GSG1L: variants seen among roughly 807,000 people sequenced by gnomAD.
GSG1L encodes the protein germ cell-specific gene 1-like protein.
A neutral mutation model predicts 42.1 loss-of-function variants in GSG1L; 24 were observed. The observed-to-expected ratio is 0.57, with a 90% CI of 0.41 to 0.80. The LOEUF (loss-of-function observed/expected upper bound fraction) is 0.80, where lower values mean the gene tolerates loss of function less well. GSG1L is among the 30% of genes least tolerant of loss of function. The pLI, the probability that GSG1L is intolerant of heterozygous loss-of-function variation, is 0.00. For missense variants in GSG1L, 445 were observed against 472.2 expected (o/e 0.94, Z 0.53); for synonymous variants, 215 against 203.5 (o/e 1.06, Z -0.48).
chr16:27,821,214 G>A (rs2083147732), intron 5 of GSG1L, among the ~76,000 whole-genome samples: 1 of 152,186 alleles, frequency 6.6e-6, no homozygotes, highest in African/African-American at 2.4e-5. Context: ...TTGTTGCCAT[G>A]CTGGAACATG....
At chr16:27,970,310 G>T (rs1054215914) in intron 1 of GSG1L, among the ~76,000 whole-genome samples, 12 of 151,456 alleles carry the variant, frequency 7.9e-5, no homozygotes, top group African/African-American at 2.9e-4. Context: ...GGTGGCTCAC[G>T]CCTGTAATCC....
chr16:27,827,202 T>C (rs2083219632), intron 5 of GSG1L, among the ~76,000 whole-genome samples: 1 of 152,206 alleles, frequency 6.6e-6, no homozygotes, highest in South Asian at 2.1e-4. Context: ...ATGGCAGTTA[T>C]GATGGTTGAC....
chr16:27,921,809 G>A (rs1360541813), intron 2 of GSG1L, among the ~76,000 whole-genome samples: 1 of 152,146 alleles, frequency 6.6e-6, no homozygotes, highest in Non-Finnish European at 1.5e-5. Context: ...TCAAGTTGAG[G>A]ACCCTGCCTT....
At chr16:27,791,977 C>CA (rs2082760438) in intron 6 of GSG1L, among the ~76,000 whole-genome samples, 1 of 152,062 alleles carries the variant, frequency 6.6e-6, no homozygotes, top group African/African-American at 2.4e-5. Flanking sequence ...CCCCTGCAGT[C>CA]ACGTTCACTC....
At chr16:27,936,028 G>A (rs1015708542) in intron 2 of GSG1L, among the ~76,000 whole-genome samples, 2 of 151,092 alleles carry the variant, frequency 1.3e-5, no homozygotes, top group Non-Finnish European at 2.9e-5. Flanking sequence ...CTTCATCCCA[G>A]GACCCAGGGA....
At chr16:28,051,561 C>T (rs980413813) in intron 1 of GSG1L, among the ~76,000 whole-genome samples, 18 of 149,330 alleles carry the variant, frequency 1.2e-4, no homozygotes, top group African/African-American at 3.9e-4. Flanking sequence ...GAGGTGACTG[C>T]GACTTTAAAT....
chr16:27,927,552 C>A (rs901229572), intron 2 of GSG1L, among the ~76,000 whole-genome samples: 9 of 152,248 alleles, frequency 5.9e-5, no homozygotes, highest in Non-Finnish European at 1.3e-4. Flanking sequence ...CAAGCCCTCC[C>A]TCGGACCCCT....
At chr16:27,835,603 T>C (rs1321904916) in intron 4 of GSG1L, among the ~76,000 whole-genome samples, 3 of 152,080 alleles carry the variant, frequency 2.0e-5, no homozygotes, top group Non-Finnish European at 4.4e-5. Context: ...TTGTGTTCCC[T>C]TGGATTTCTC....
At chr16:27,905,578 TGC>T (rs2084311398) in intron 2 of GSG1L, among the ~76,000 whole-genome samples, 1 of 152,176 alleles carries the variant, frequency 6.6e-6, no homozygotes, top group African/African-American at 2.4e-5. Context: ...CCTTCCAAAG[TGC>T]TGGGATTACA....
At chr16:28,047,609 G>C (rs1474075826) in intron 1 of GSG1L, among the ~76,000 whole-genome samples, 1 of 151,944 alleles carries the variant, frequency 6.6e-6, no homozygotes, top group East Asian at 1.9e-4. Context: ...TCTAGTAAGA[G>C]ATATATCAAG....
At chr16:27,837,669 C>T (rs2059506430) in intron 4 of GSG1L, among the ~76,000 whole-genome samples, 1 of 152,242 alleles carries the variant, frequency 6.6e-6, no homozygotes, top group African/African-American at 2.4e-5. Context: ...TGAAAGTCCA[C>T]CTGGTGATTG....
intron 4 of GSG1L, among the ~76,000 whole-genome samples, chr16:27,834,600 A>G (rs2083303968): frequency 6.6e-6 from 1 of 152,140 alleles, no homozygotes; most frequent in African/African-American, 2.4e-5. Context: ...TTTCCTTAGT[A>G]GTTATAGGGA....
chr16:27,825,287 C>T (rs73517376), intron 5 of GSG1L, among the ~76,000 whole-genome samples: 7,704 of 152,210 alleles, frequency 0.051, 651 homozygotes, highest in African/African-American at 0.18. Context: ...GGAAACAAGA[C>T]GGCATAGGTC....
At chr16:28,058,651 C>T (rs1161634382) in intron 1 of GSG1L, among the ~76,000 whole-genome samples, 3 of 148,304 alleles carry the variant, frequency 2.0e-5, no homozygotes, top group Non-Finnish European at 3.0e-5. Context: ...CAAACCATGT[C>T]GAGGAGTTAG....
At chr16:27,925,791 A>G (rs1424102610) in intron 2 of GSG1L, among the ~76,000 whole-genome samples, 1 of 152,182 alleles carries the variant, frequency 6.6e-6, no homozygotes, top group Non-Finnish European at 1.5e-5. Context: ...GGCATCATTA[A>G]CCAAGCCCCC....
At chr16:27,947,585 G>GAAAGAAAGAAAGAA (rs1317844315) in intron 2 of GSG1L, among the ~76,000 whole-genome samples, 4 of 104,252 alleles carry the variant, frequency 3.8e-5, no homozygotes, top group South Asian at 2.8e-4. Flanking sequence ...AAGAAAGAAA[G>GAAAGAAAGAAAGAA]AAAGAAAGAA....
chr16:27,842,143 G>A (rs547109116), intron 4 of GSG1L, among the ~76,000 whole-genome samples: 194 of 112,372 alleles, frequency 1.7e-3, no homozygotes, highest in African/African-American at 5.9e-3. Flanking sequence ...ACGATGTCGC[G>A]CGTGCCGAAT....
At chr16:27,950,001 A>C (rs2084933612) in intron 2 of GSG1L, among the ~76,000 whole-genome samples, 1 of 152,232 alleles carries the variant, frequency 6.6e-6, no homozygotes, top group South Asian at 2.1e-4. Flanking sequence ...TAACACAGGC[A>C]GTGTGGTTTA....
chr16:27,914,452 T>C (rs2084427330), intron 2 of GSG1L, among the ~76,000 whole-genome samples: 1 of 152,182 alleles, frequency 6.6e-6, no homozygotes, highest in Admixed American at 6.5e-5. Flanking sequence ...AGTTTCCTGA[T>C]ATGCAAAGTG....
Sources: gnomAD v4.1 joint callset for allele counts (sites outside exome capture counted in the v4.1 genomes callset) on GRCh38, gnomAD v4.1.1 for gene constraint, MANE v1.5 for transcripts, NCBI Gene and HGNC (gene_info 2026-07-23, HGNC 2026-07-21) for gene names.